Variants in ZNF354B observed in about 807,000 individuals in gnomAD.
The protein encoded by ZNF354B is zinc finger protein 354B.
A neutral mutation model predicts 12.9 loss-of-function variants in ZNF354B; 10 were observed. The ratio of observed to expected loss-of-function variants is 0.77; its 90% CI spans 0.48 to 1.31. ZNF354B has a LOEUF of 1.31. Ranked by LOEUF, ZNF354B falls within the 40% of genes most tolerant of loss-of-function variation. The pLI is 0.00. For synonymous variants in ZNF354B, 260 were observed against 243.7 expected, an observed-to-expected ratio of 1.07 and a Z score of -0.62; for missense variants, 614 against 711.7, an observed-to-expected ratio of 0.86 and a Z score of 1.56.
chr5:178,874,921 G>C (rs75471226), intron 4 of ZNF354B, among the ~76,000 whole-genome samples: 1 of 152,218 alleles, frequency 6.6e-6, no homozygotes, highest in Non-Finnish European at 1.5e-5. Context: ...AATGTTTTCA[G>C]AGGGCCAGTG....
intron 4 of ZNF354B, 97 bp from the exon 5 acceptor site, chr5:178,882,612 C>G (rs1757732572): frequency 3.9e-6 from 5 of 1,270,066 alleles, no homozygotes; most frequent in Non-Finnish European, 5.3e-6. Context: ...AGTCATATAG[C>G]AAACCCTTAC....
chr5:178,868,179 G>A (rs959631590), intron 4 of ZNF354B, among the ~76,000 whole-genome samples: 39 of 151,274 alleles, frequency 2.6e-4, no homozygotes, highest in Admixed American at 1.1e-3. Context: ...TGACAGGGCC[G>A]AGACTCAAGG....
intron 2 of ZNF354B, among the ~76,000 whole-genome samples, chr5:178,861,834 G>T (rs1757353100): frequency 6.6e-6 from 1 of 152,144 alleles, no homozygotes; most frequent in Non-Finnish European, 1.5e-5. Context: ...CTGTGCCTCA[G>T]TTTTCTCACC....
chr5:178,867,476 G>A (rs1757480916), intron 4 of ZNF354B, among the ~76,000 whole-genome samples: 1 of 152,200 alleles, frequency 6.6e-6, no homozygotes, highest in Non-Finnish European at 1.5e-5. Flanking sequence ...GGTGGAAACT[G>A]TCCCATGGAG....
chr5:178,868,224 G>T (rs1172118966), intron 4 of ZNF354B, among the ~76,000 whole-genome samples: 2 of 150,374 alleles, frequency 1.3e-5, no homozygotes, highest in Non-Finnish European at 3.0e-5. Context: ...ACGGGCATTA[G>T]AAGCTTGGAG....
chr5:178,884,277 G>T lies in ZNF354B; in HGVS notation c.1825G>T (p.Asp609Tyr), dbSNP rs559023412. ...CATTGAAGAGGACTCCTTAAAAGCCGATTTGCATGTGTGAAAGCCTTAAAC... is the reference window on the plus strand; with the variant it reads ...CATTGAAGAGGACTCCTTAAAAGCCTATTTGCATGTGTGAAAGCCTTAAAC... ...IHIEEDSLKA[D>Y]LHV The change falls in exon 5 of 5, where the codon GAT becomes TAT. Residue 609 changes from aspartate (D) to tyrosine (Y), a missense_variant. By Grantham distance (160) the Asp-to-Tyr change is radical. Coordinates refer to ENST00000322434, the MANE Select transcript of ZNF354B (RefSeq NM_058230.3). 1.6e-5 allele frequency: 26 copies of T among 1,584,218 alleles called. No homozygotes were observed. The highest frequency in any genetic ancestry group is 2.1e-5 in the Non-Finnish European group (25 of 1,166,824).
chr5:178,884,499 G>A lies in ZNF354B; in HGVS notation c.*208G>A, dbSNP rs936542926. ...GTTCACTGTTGCAGACATTGAAATT[G>A]GCCATTTGTAAGATAAAAGGTATGT... On this transcript the variant is annotated 3_prime_UTR_variant, in exon 5 of 5. Transcript: ENST00000322434. 3 of 470,534 alleles carry A rather than the reference G, an allele frequency of 6.4e-6. No homozygotes were observed. Among genetic ancestry groups the A allele is most frequent in the Non-Finnish European group, 1.1e-5 (3 of 277,134 alleles). 29.1% of individuals were successfully genotyped at this position (470,534 alleles called of 1,614,324 possible). A position where few individuals can be genotyped will look rare whatever the true frequency, so the allele number is the denominator to read the frequency against.
intron 4 of ZNF354B, among the ~76,000 whole-genome samples, chr5:178,869,166 G>A (rs1249430210): frequency 1.3e-5 from 2 of 152,244 alleles, no homozygotes; most frequent in East Asian, 1.9e-4. Context: ...AGCTGCCAGC[G>A]CATGTGAGGA....
intron 2 of ZNF354B, among the ~76,000 whole-genome samples, chr5:178,861,424 G>A (rs551648570): frequency 3.9e-5 from 6 of 152,288 alleles, no homozygotes; most frequent in South Asian, 2.1e-4. Flanking sequence ...TCCTTCGCAG[G>A]AATACTTTCT....
At position 178,884,225 on chromosome 5, in the gene ZNF354B, A is replaced by T. The variant is rs1389649533; in HGVS notation, c.1773A>T (p.Ser591=). 1 of 1,612,974 alleles carries T rather than the reference A, an allele frequency of 6.2e-7. No homozygotes were observed. Among genetic ancestry groups the T allele is most frequent in the Admixed American group, 1.7e-5 (1 of 59,822 alleles). ...NACGKLFSQR[S]SLTNHYKIHI... ...GTGGGAAACTCTTTAGCCAGAGGTC[A>T]TCCCTTACTAATCATTATAAAATTC... The change falls in exon 5 of 5, where the codon TCA becomes TCT. Residue 591 remains serine (S), a synonymous_variant. Transcript: ENST00000322434.
chr5:178,875,125 A>C (rs1757618148), intron 4 of ZNF354B, among the ~76,000 whole-genome samples: 1 of 152,174 alleles, frequency 6.6e-6, no homozygotes, highest in Non-Finnish European at 1.5e-5. Flanking sequence ...CGTGCCCCTC[A>C]GTGCTCTGAA....
At chr5:178,868,855 C>T (rs1287781860) in intron 4 of ZNF354B, among the ~76,000 whole-genome samples, 2 of 151,900 alleles carry the variant, frequency 1.3e-5, no homozygotes, top group Non-Finnish European at 2.9e-5. Context: ...GCCTGTAGTC[C>T]CAGCTACTCG....
chr5:178,869,618 C>T (rs1757529894), intron 4 of ZNF354B, among the ~76,000 whole-genome samples: 1 of 152,130 alleles, frequency 6.6e-6, no homozygotes, highest in Non-Finnish European at 1.5e-5. Flanking sequence ...GAAGTATTAA[C>T]AGGCTGAAAA....
intron 4 of ZNF354B, among the ~76,000 whole-genome samples, chr5:178,871,535 C>T (rs1757564841): frequency 6.6e-6 from 1 of 152,192 alleles, no homozygotes; most frequent in South Asian, 2.1e-4. Flanking sequence ...CTGTCTCTGC[C>T]TCTGCATTGT....
intron 4 of ZNF354B, among the ~76,000 whole-genome samples, chr5:178,874,891 A>G (rs927507977): frequency 4.6e-5 from 7 of 152,200 alleles, no homozygotes; most frequent in African/African-American, 7.2e-5. Flanking sequence ...ATTTGAGTAT[A>G]GTCAGTTGAC....
At chr5:178,878,864 G>C (rs1386004473) in intron 4 of ZNF354B, among the ~76,000 whole-genome samples, 1 of 151,958 alleles carries the variant, frequency 6.6e-6, no homozygotes, top group African/African-American at 2.4e-5. Context: ...ACCACACCTG[G>C]CTAATTTTGT....
chr5:178,860,026 G>C lies in ZNF354B; in HGVS notation c.-153G>C, dbSNP rs1757320066. 1 of 152,352 alleles carries C rather than the reference G, an allele frequency of 6.6e-6. No individual in the cohort carries two copies. The highest frequency in any genetic ancestry group is 6.5e-5 in the Admixed American group (1 of 15,284). 9.4% of individuals were successfully genotyped at this position (152,352 alleles called of 1,614,324 possible). A position where few individuals can be genotyped will look rare whatever the true frequency, so the allele number is the denominator to read the frequency against. On this transcript the variant is annotated 5_prime_UTR_variant, in exon 1 of 5. Coordinates refer to ENST00000322434, the MANE Select transcript of ZNF354B (RefSeq NM_058230.3). Reference sequence around the variant, plus strand: ...CTGCCCGGTGAGCGGCGCCGGGCTTGAGGTCGCCCAGACGTCGGAGGAGCC... The same window carrying C: ...CTGCCCGGTGAGCGGCGCCGGGCTTCAGGTCGCCCAGACGTCGGAGGAGCC...
At chr5:178,877,990 G>A (rs145732373) in intron 4 of ZNF354B, among the ~76,000 whole-genome samples, 3 of 152,204 alleles carry the variant, frequency 2.0e-5, no homozygotes, top group Middle Eastern at 3.4e-3. Context: ...GGCATTTTCT[G>A]TCTTTAAGTA....
chr5:178,868,318 A>G (rs1329158284), intron 4 of ZNF354B, among the ~76,000 whole-genome samples: 3 of 147,886 alleles, frequency 2.0e-5, no homozygotes, highest in Non-Finnish European at 3.0e-5. Context: ...AATCTGACAG[A>G]GCCCGAGAAG....
Sources: gnomAD v4.1 joint callset for allele counts (sites outside exome capture counted in the v4.1 genomes callset) on GRCh38, gnomAD v4.1.1 for gene constraint, MANE v1.5 for transcripts, NCBI Gene and HGNC (gene_info 2026-07-23, HGNC 2026-07-21) for gene names.